HIVEP3: variants seen among roughly 807,000 people sequenced by gnomAD.
The protein encoded by HIVEP3 is transcription factor HIVEP3.
Under a neutral mutation model 152.8 loss-of-function variants are expected in HIVEP3, and 49 were observed. That is an observed-to-expected ratio of 0.32 (90% confidence interval 0.26 to 0.41). The LOEUF is 0.41. HIVEP3 is among the 10% of genes least tolerant of loss of function. The pLI is 1.00. For missense variants in HIVEP3, 2,790 were observed against 3,103.3 expected (o/e 0.90, Z 2.40); for synonymous variants, 1,269 against 1,289.0 (o/e 0.98, Z 0.33).
intron 2 of HIVEP3, among the ~76,000 whole-genome samples, chr1:41,698,333 T>C (rs1372803377): frequency 6.6e-6 from 1 of 152,122 alleles, no homozygotes; most frequent in East Asian, 1.9e-4. Flanking sequence ...AGAGACTAAG[T>C]TTATTCATCT....
At chr1:41,999,777 G>A (rs960000259) in intron 1 of HIVEP3, among the ~76,000 whole-genome samples, 2 of 152,184 alleles carry the variant, frequency 1.3e-5, no homozygotes, top group Admixed American at 1.3e-4. Context: ...GGAAGGCACA[G>A]AGTGGTGAAG....
intron 1 of HIVEP3, among the ~76,000 whole-genome samples, chr1:41,986,368 G>T (rs1162626964): frequency 1.3e-5 from 2 of 151,402 alleles, no homozygotes; most frequent in Non-Finnish European, 2.9e-5. Flanking sequence ...GCATAACACT[G>T]AAGTTCTATA....
intron 1 of HIVEP3, among the ~76,000 whole-genome samples, chr1:41,757,900 C>T (rs1402900505): frequency 6.6e-6 from 1 of 151,956 alleles, no homozygotes; most frequent in Non-Finnish European, 1.5e-5. Context: ...TCAGTAGAGA[C>T]AGGGTTTCTC....
chr1:41,607,995 T>C (rs116791661), intron 3 of HIVEP3, among the ~76,000 whole-genome samples: 2 of 152,202 alleles, frequency 1.3e-5, no homozygotes, highest in African/African-American at 2.4e-5. Flanking sequence ...CACGAGCCCA[T>C]GGCCACTCCT....
intron 5 of HIVEP3, among the ~76,000 whole-genome samples, chr1:41,573,381 G>A (rs1443266811): frequency 1.3e-5 from 2 of 152,162 alleles, no homozygotes; most frequent in Non-Finnish European, 2.9e-5. Flanking sequence ...GCGGGGTGAT[G>A]CCAGCCCCAA....
At chr1:41,758,006 C>G (rs1222640654) in intron 1 of HIVEP3, among the ~76,000 whole-genome samples, 1 of 152,130 alleles carries the variant, frequency 6.6e-6, no homozygotes, top group African/African-American at 2.4e-5. Context: ...GCCACCGCTC[C>G]CAGCCTACTT....
chr1:41,769,380 C>A (rs1325920759), intron 1 of HIVEP3, among the ~76,000 whole-genome samples: 1 of 152,210 alleles, frequency 6.6e-6, no homozygotes, highest in Non-Finnish European at 1.5e-5. Context: ...CCCTGTCCCA[C>A]TAAATGTGTC....
At position 41,507,166 on chromosome 1, in the gene HIVEP3, A is replaced by C. The variant is rs1644391391; in HGVS notation, c.*3285T>G. On this transcript the variant is annotated 3_prime_UTR_variant, in exon 9 of 9. Transcript: ENST00000372583. ...AGATGTATTGCTCATTCCTCTTCAGAAGGACTGGGTGGGAATGGAGCAGGG... is the reference window on the plus strand; with the variant it reads ...AGATGTATTGCTCATTCCTCTTCAGCAGGACTGGGTGGGAATGGAGCAGGG... 1 of 152,202 alleles carries C rather than the reference A, an allele frequency of 6.6e-6. No individual in the cohort carries two copies. Among genetic ancestry groups the C allele is most frequent in the Non-Finnish European group, 1.5e-5 (1 of 68,056 alleles). The allele number at this position is 152,202 out of a possible 1,614,324, so 9.4% of individuals were successfully genotyped here.
At chr1:41,553,750 C>T (rs1417881031) in intron 5 of HIVEP3, among the ~76,000 whole-genome samples, 1 of 152,162 alleles carries the variant, frequency 6.6e-6, no homozygotes, top group Non-Finnish European at 1.5e-5. Context: ...ATTTCTCCTT[C>T]ACTTATGAAG....
chr1:41,657,360 T>C (rs1036800339), intron 2 of HIVEP3, among the ~76,000 whole-genome samples: 4 of 152,124 alleles, frequency 2.6e-5, no homozygotes, highest in Non-Finnish European at 2.9e-5. Context: ...CTGGCCCTGG[T>C]CCCCATTCAG....
intron 1 of HIVEP3, among the ~76,000 whole-genome samples, chr1:41,938,981 T>C (rs1645033097): frequency 6.6e-6 from 1 of 152,186 alleles, no homozygotes; most frequent in Non-Finnish European, 1.5e-5. Flanking sequence ...CTTCACATTC[T>C]TGTTCTCACA....
intron 1 of HIVEP3, among the ~76,000 whole-genome samples, chr1:41,891,870 A>T (rs1644452461): frequency 6.6e-6 from 1 of 152,194 alleles, no homozygotes; most frequent in Non-Finnish European, 1.5e-5. Flanking sequence ...TGGCCTTCCA[A>T]TGGGAAAAGG....
chr1:41,878,744 C>CCCTCCCTCTCTTCCTCCCTCCT (rs1644212186), intron 1 of HIVEP3, among the ~76,000 whole-genome samples: 2 of 137,746 alleles, frequency 1.5e-5, no homozygotes, highest in African/African-American at 5.4e-5. Flanking sequence ...CTTCCCCCCT[C>CCCTCCCTCTCTTCCTCCCTCCT]CCTCCCTCTC....
chr1:42,013,428 A>T (rs113790806), intron 1 of HIVEP3, among the ~76,000 whole-genome samples: 14 of 152,212 alleles, frequency 9.2e-5, no homozygotes, highest in African/African-American at 3.1e-4. Context: ...TCAAGCCCAA[A>T]CTCTTCCATA....
chr1:41,565,621 G>A (rs1363321257), intron 5 of HIVEP3, among the ~76,000 whole-genome samples: 2 of 152,096 alleles, frequency 1.3e-5, no homozygotes, highest in South Asian at 2.1e-4. Context: ...TTACCCACAG[G>A]AGAGAGACAG....
At chr1:41,655,045 T>C (rs1391041696) in intron 2 of HIVEP3, among the ~76,000 whole-genome samples, 2 of 152,184 alleles carry the variant, frequency 1.3e-5, no homozygotes, top group African/African-American at 4.8e-5. Flanking sequence ...ATTATTATTA[T>C]TAAAGTTGCT....
At chr1:41,787,440 C>A (rs1243330358) in intron 1 of HIVEP3, among the ~76,000 whole-genome samples, 1 of 152,290 alleles carries the variant, frequency 6.6e-6, no homozygotes, top group African/African-American at 2.4e-5. Context: ...CCCCTCCCTA[C>A]GTATACTTAC....
chr1:41,786,485 A>G (rs1338586636), intron 1 of HIVEP3, among the ~76,000 whole-genome samples: 1 of 152,208 alleles, frequency 6.6e-6, no homozygotes, highest in East Asian at 1.9e-4. Flanking sequence ...AGAGTCTGCA[A>G]ACTACAGCCC....
chr1:41,725,689 C>G (rs1037119382), intron 1 of HIVEP3, among the ~76,000 whole-genome samples: 1 of 152,152 alleles, frequency 6.6e-6, no homozygotes. Flanking sequence ...CTCCAGTGAC[C>G]CCCAAAAGAC....
Sources: gnomAD v4.1 joint callset for allele counts (sites outside exome capture counted in the v4.1 genomes callset) on GRCh38, gnomAD v4.1.1 for gene constraint, MANE v1.5 for transcripts, NCBI Gene and HGNC (gene_info 2026-07-23, HGNC 2026-07-21) for gene names.